ADAMTS17: variants seen among roughly 807,000 people sequenced by gnomAD.
ADAMTS17 encodes ADAM metallopeptidase with thrombospondin type 1 motif 17, also known as A disintegrin and metalloproteinase with thrombospondin motifs 17.
ADAMTS17 carries 113 observed loss-of-function variants against 141.5 expected under a neutral mutation model. That is an observed-to-expected ratio of 0.80 (90% CI 0.69 to 0.93). The LOEUF (loss-of-function observed/expected upper bound fraction) is 0.93. Among genes scored for constraint, ADAMTS17 ranks in the 40% least tolerant of loss-of-function variants. The probability of loss-of-function intolerance (pLI) is 0.00; values close to 1 mark genes in which losing one functional copy is unlikely to be tolerated. For missense variants in ADAMTS17, 1,659 were observed against 1,517.9 expected, an observed-to-expected ratio of 1.09 and a Z score of -1.54; for synonymous variants, 768 against 630.6, an observed-to-expected ratio of 1.22 and a Z score of -3.27.
chr15:100,174,611 G>T (rs1045237060), intron 8 of ADAMTS17, among the ~76,000 whole-genome samples: 3 of 152,144 alleles, frequency 2.0e-5, no homozygotes, highest in Non-Finnish European at 4.4e-5. Context: ...ACTTCTCCTA[G>T]TATAAATTAT....
At chr15:100,135,891 G>C (rs565985028) in intron 10 of ADAMTS17, among the ~76,000 whole-genome samples, 1 of 152,318 alleles carries the variant, frequency 6.6e-6, no homozygotes, top group Non-Finnish European at 1.5e-5. Context: ...CCTTGACACA[G>C]CAGCCAGAAT....
intron 3 of ADAMTS17, among the ~76,000 whole-genome samples, chr15:100,298,895 T>C (rs986195218): frequency 3.3e-5 from 5 of 152,142 alleles, no homozygotes; most frequent in African/African-American, 1.2e-4. Context: ...AGGCTGGAAG[T>C]CCAAGATCAA....
In ADAMTS17 at chr15:100,097,530, C is replaced by T. The variant is rs528698181; in HGVS notation, c.2017-1054G>A. On this transcript the variant is annotated intron_variant, in intron 14 of 21. Coordinates refer to ENST00000268070, the MANE Select transcript of ADAMTS17 (RefSeq NM_139057.4). ...TAGAGCTAGCACAGCGCCTCGGGTG[C>T]CAGGCTGGCTGCACGCGCATCCCTG... Among the ~76,000 whole-genome samples the T allele has an allele frequency of 6.6e-5, 10 of 152,380 alleles. No homozygotes were observed. The South Asian group carries it at 1.4e-3, about 22-fold the overall frequency.
intron 10 of ADAMTS17, among the ~76,000 whole-genome samples, chr15:100,150,373 T>C (rs2039103673): frequency 6.6e-6 from 1 of 152,210 alleles, no homozygotes; most frequent in Non-Finnish European, 1.5e-5. Flanking sequence ...CAGTAACAGA[T>C]ACCCCTGGGC....
chr15:100,010,119 G>A (rs1243966540), intron 18 of ADAMTS17, among the ~76,000 whole-genome samples: 2 of 152,242 alleles, frequency 1.3e-5, no homozygotes, highest in Non-Finnish European at 2.9e-5. Flanking sequence ...CACCATGTAA[G>A]ATGTGCCTTT....
chr15:100,323,989 C>T (rs1423835203), intron 3 of ADAMTS17, among the ~76,000 whole-genome samples: 23 of 149,186 alleles, frequency 1.5e-4, no homozygotes, highest in South Asian at 4.2e-4. Context: ...GAGGGGAGAA[C>T]GCCATCAGTC....
intron 15 of ADAMTS17, among the ~76,000 whole-genome samples, chr15:100,057,969 A>T (rs1206807324): frequency 6.6e-6 from 1 of 152,032 alleles, no homozygotes; most frequent in African/African-American, 2.4e-5. Flanking sequence ...GTTAAAAAAA[A>T]GCTAATCACG....
chr15:100,176,382 T>C lies in ADAMTS17; in HGVS notation c.1182-21062A>G, dbSNP rs117295266. Among the ~76,000 whole-genome samples, 1,046 of 152,182 alleles carry C rather than the reference T, an allele frequency of 6.9e-3. 25 individuals are homozygous for C. The highest frequency in any genetic ancestry group is 0.056 in the Admixed American group (863 of 15,284). ...AGTCGCCTAAGGAGTTAAAAAAAAA[T>C]ACAGATGCCTAAATCCCACCTGCAG... On this transcript the variant is annotated intron_variant, in intron 8 of 21. Coordinates refer to ENST00000268070, the MANE Select transcript of ADAMTS17 (RefSeq NM_139057.4).
At chr15:100,058,494 C>T (rs373819746) in intron 15 of ADAMTS17, among the ~76,000 whole-genome samples, 2 of 152,306 alleles carry the variant, frequency 1.3e-5, no homozygotes, top group East Asian at 3.9e-4. Flanking sequence ...CAAACTACCC[C>T]ACTTCCATGC....
chr15:100,327,116 C>T (rs2045924270), intron 3 of ADAMTS17, among the ~76,000 whole-genome samples: 3 of 152,158 alleles, frequency 2.0e-5, no homozygotes, highest in Admixed American at 2.0e-4. Context: ...GTATAAATAA[C>T]TCCCACAAGC....
chr15:100,087,435 C>G (rs1346577654), intron 15 of ADAMTS17, among the ~76,000 whole-genome samples: 2 of 147,420 alleles, frequency 1.4e-5, no homozygotes, highest in African/African-American at 5.2e-5. Flanking sequence ...ACCATTCCTT[C>G]TGAAACTATT....
At chr15:100,185,033 C>T (rs1372415316) in intron 8 of ADAMTS17, among the ~76,000 whole-genome samples, 1 of 152,246 alleles carries the variant, frequency 6.6e-6, no homozygotes, top group Non-Finnish European at 1.5e-5. Context: ...TGCCTCCTCC[C>T]TGAGGATGCC....
chr15:100,239,102 G>A (rs572097167), intron 7 of ADAMTS17, among the ~76,000 whole-genome samples: 6 of 152,264 alleles, frequency 3.9e-5, no homozygotes, highest in Admixed American at 1.3e-4. Context: ...AAAAGAAAAC[G>A]AAATGTGAGA....
At chr15:100,338,365 T>G (rs968577634) in intron 2 of ADAMTS17, among the ~76,000 whole-genome samples, 1 of 152,220 alleles carries the variant, frequency 6.6e-6, no homozygotes, top group Admixed American at 6.5e-5. Context: ...ATAGAACGTG[T>G]GTGCCCCCAG....
intron 7 of ADAMTS17, among the ~76,000 whole-genome samples, chr15:100,233,327 T>C (rs2042548519): frequency 7.9e-6 from 1 of 126,934 alleles, no homozygotes; most frequent in Non-Finnish European, 1.6e-5. Context: ...TGAAACTCCA[T>C]CTCAAAAAAA....
At chr15:100,045,133 A>C (rs909835217) in intron 18 of ADAMTS17, among the ~76,000 whole-genome samples, 1 of 146,754 alleles carries the variant, frequency 6.8e-6, no homozygotes, top group African/African-American at 2.7e-5. Flanking sequence ...TTTAGAAGCC[A>C]CATTAAAATA....
At chr15:100,246,926 C>T (rs907074802) in intron 7 of ADAMTS17, among the ~76,000 whole-genome samples, 5 of 151,248 alleles carry the variant, frequency 3.3e-5, no homozygotes, top group Non-Finnish European at 7.4e-5. Flanking sequence ...CTCTGTCGCC[C>T]AGGCTGGAGT....
chr15:100,084,004 T>C (rs1423694344), intron 15 of ADAMTS17, among the ~76,000 whole-genome samples: 1 of 151,962 alleles, frequency 6.6e-6, no homozygotes. Context: ...TGCAGGACAG[T>C]GGGTGCAGTG....
At chr15:100,297,811 T>C (rs1010415337) in intron 3 of ADAMTS17, among the ~76,000 whole-genome samples, 1 of 152,020 alleles carries the variant, frequency 6.6e-6, no homozygotes, top group African/African-American at 2.4e-5. Flanking sequence ...TCCAGACGAA[T>C]CCTTTAGAGA....
Sources: gnomAD v4.1 joint callset for allele counts (sites outside exome capture counted in the v4.1 genomes callset) on GRCh38, gnomAD v4.1.1 for gene constraint, MANE v1.5 for transcripts, NCBI Gene and HGNC (gene_info 2026-07-23, HGNC 2026-07-21) for gene names.